CEP192: variants seen among roughly 807,000 people sequenced by gnomAD.
CEP192 encodes the protein centrosomal protein of 192 kDa.
A neutral mutation model predicts 271.8 loss-of-function variants in CEP192; 151 were observed. That is an observed-to-expected ratio of 0.56 (90% confidence interval 0.49 to 0.64). The LOEUF is 0.64. Ranked by LOEUF, CEP192 falls within the 30% of genes least tolerant of loss-of-function variation. CEP192 has a pLI of 0.00. For missense variants in CEP192, 2,910 were observed against 3,020.5 expected, an observed-to-expected ratio of 0.96 and a Z score of 0.86; for synonymous variants, 995 against 1,076.5, an observed-to-expected ratio of 0.92 and a Z score of 1.48.
At chr18:13,113,990 C>A in intron 41 of CEP192, 140 bp from the exon 42 acceptor site, 1 of 958,234 alleles carries the variant, frequency 1.0e-6, no homozygotes, top group Non-Finnish European at 1.5e-6. Context: ...GAGTACAGAG[C>A]TTGCAATTTA....
chr18:13,087,620 T>A lies in CEP192; in HGVS notation c.5967T>A (p.Asp1989Glu). Reference protein sequence around the residue: ...ELSTVYLFGGDEISRQQYRRA... With the variant: ...ELSTVYLFGGEEISRQQYRRA... The stretch of plus-strand genomic sequence containing the variant: ...CAACTGTATACTTATTTGGTGGAGA[T>A]GAAATTTCAAGACAGCAGTATCGCA... Residue 1989 changes from aspartate to glutamate, a missense_variant, in exon 32 of 45, where the codon GAT (aspartate) becomes GAA (glutamate). Asp to Glu is a conservative substitution (Grantham distance 45). Transcript: ENST00000506447. The A allele has an allele frequency of 1.3e-6, 2 of 1,569,632 alleles. No individual in the cohort carries two copies. The highest frequency in any genetic ancestry group is 1.7e-6 in the Non-Finnish European group (2 of 1,155,796).
At chr18:12,991,994 T>G (rs1451697953) in intron 1 of CEP192, among the ~76,000 whole-genome samples, 2 of 152,208 alleles carry the variant, frequency 1.3e-5, no homozygotes, top group Non-Finnish European at 2.9e-5. Flanking sequence ...TCCTAATAGT[T>G]TACCTACATT....
In CEP192 at chr18:13,068,935, G is replaced by T; in HGVS notation, c.4906G>T (p.Val1636Leu). ...AAACCCTACGCCCGTTCTTAGAAGTGTGAGTCTCCGAGCAAGAGCAGGAAT... is the reference window on the plus strand; with the variant it reads ...AAACCCTACGCCCGTTCTTAGAAGTTTGAGTCTCCGAGCAAGAGCAGGAAT... ...SPNPTPVLRS[V>L]SLRARAGIAR... Residue 1636 changes from valine (V) to leucine (L), a missense_variant, in exon 25 of 45, where the codon GTG becomes TTG. Physicochemically the swap from Val to Leu is conservative, Grantham distance 32 (BLOSUM62 1). Transcript: ENST00000506447. 1 of 1,614,198 alleles carries T rather than the reference G, an allele frequency of 6.2e-7. No individual in the cohort carries two copies. Among genetic ancestry groups the T allele is most frequent in the Non-Finnish European group, 8.5e-7 (1 of 1,180,038 alleles).
intron 17 of CEP192, 62 bp downstream of exon 17, chr18:13,049,953 A>AG (rs2036688491): frequency 7.2e-7 from 1 of 1,393,592 alleles, no homozygotes. Context: ...AACTGGGAAA[A>AG]AAATGTGTAA....
chr18:13,023,026 A>G (rs6650616), intron 9 of CEP192, among the ~76,000 whole-genome samples: 17,123 of 152,204 alleles, frequency 0.11, 1,130 homozygotes, highest in East Asian at 0.31. Flanking sequence ...CTTTTATATA[A>G]TAAACATGTA....
intron 3 of CEP192, among the ~76,000 whole-genome samples, chr18:13,003,965 C>A (rs908458132): frequency 3.3e-5 from 5 of 151,954 alleles, no homozygotes; most frequent in Non-Finnish European, 2.9e-5. Flanking sequence ...GAATCAACAG[C>A]GAGATTAAGA....
chr18:13,069,692 G>A (rs1353534621), intron 26 of CEP192, 46 bp from the exon 27 acceptor site: 3 of 1,165,122 alleles, frequency 2.6e-6, no homozygotes, highest in Non-Finnish European at 3.8e-6. Context: ...CGAAAACTGC[G>A]TTTTTGTAAG....
intron 44 of CEP192, among the ~76,000 whole-genome samples, chr18:13,122,250 C>T (rs1017151676): frequency 3.3e-5 from 5 of 152,170 alleles, no homozygotes; most frequent in East Asian, 1.9e-4. Context: ...GGTGAAACCC[C>T]GTCTCTACTA....
At chr18:12,992,753 G>A (rs959599643) in intron 1 of CEP192, among the ~76,000 whole-genome samples, 2 of 152,216 alleles carry the variant, frequency 1.3e-5, no homozygotes, top group African/African-American at 4.8e-5. Flanking sequence ...CCTTAGCAAA[G>A]CTCTGTTGAA....
At chr18:13,092,696 T>A (rs2039204464) in intron 34 of CEP192, among the ~76,000 whole-genome samples, 169 bp downstream of exon 34, 1 of 152,208 alleles carries the variant, frequency 6.6e-6, no homozygotes, top group Non-Finnish European at 1.5e-5. Context: ...TCAGGAAAGT[T>A]TAGAAATAGT....
At chr18:13,067,729 C>A (rs2144368244) in intron 21 of CEP192, 102 bp from the exon 22 acceptor site, 2 of 916,046 alleles carry the variant, frequency 2.2e-6, no homozygotes, top group Non-Finnish European at 3.3e-6. Context: ...TTACTTACTG[C>A]TGACTCATAA....
At chr18:13,045,780 A>C (rs1468354509) in intron 15 of CEP192, among the ~76,000 whole-genome samples, 3 of 152,228 alleles carry the variant, frequency 2.0e-5, no homozygotes, top group Non-Finnish European at 2.9e-5. Flanking sequence ...TAACAAATCA[A>C]ATCCTTTATT....
In CEP192 at chr18:13,103,547, G is replaced by C. The variant is rs754404441; in HGVS notation, c.6910G>C (p.Val2304Leu). 6 of 1,613,934 alleles carry C rather than the reference G, an allele frequency of 3.7e-6. No homozygotes were observed. Residue 2304 changes from valine (V) to leucine (L), a missense_variant, in exon 39 of 45, where the codon GTG (valine) becomes CTG (leucine). Physicochemically the swap from Val to Leu is conservative, Grantham distance 32. Transcript: ENST00000506447. ...ACTCGAGAATCATGGCACCACAGAC[G>C]TGAAATGGCATCTGTCATCTTTAGC... ...LELENHGTTD[V>L]KWHLSSLAPP...
intron 1 of CEP192, among the ~76,000 whole-genome samples, chr18:12,994,269 A>C (rs1233771059): frequency 6.6e-6 from 1 of 152,180 alleles, no homozygotes; most frequent in Non-Finnish European, 1.5e-5. Context: ...TAATAATAAG[A>C]GATAAACTTC....
At chr18:13,011,383 T>C (rs1408266638) in intron 4 of CEP192, among the ~76,000 whole-genome samples, 1 of 152,120 alleles carries the variant, frequency 6.6e-6, no homozygotes, top group East Asian at 1.9e-4. Context: ...AAATGTAAAG[T>C]GGCATAGCCA....
At chr18:13,057,510 C>T (rs1298478251) in intron 19 of CEP192, 75 bp from the exon 20 acceptor site, 8 of 1,520,634 alleles carry the variant, frequency 5.3e-6, no homozygotes, top group South Asian at 1.2e-5. Flanking sequence ...AAACTCATTG[C>T]CATTTAACAG....
intron 11 of CEP192, among the ~76,000 whole-genome samples, chr18:13,034,985 G>A (rs2143667885): frequency 6.6e-6 from 1 of 152,168 alleles, no homozygotes; most frequent in South Asian, 2.1e-4. Context: ...GTTTGGCCTC[G>A]GAAGCATTCA....
At chr18:12,995,812 A>G (rs1253332351) in intron 1 of CEP192, among the ~76,000 whole-genome samples, 3 of 152,238 alleles carry the variant, frequency 2.0e-5, no homozygotes, top group Non-Finnish European at 4.4e-5. Context: ...GTGAAGGTAC[A>G]AAATGTGTGA....
intron 1 of CEP192, among the ~76,000 whole-genome samples, chr18:12,996,907 A>G (rs1395971437): frequency 6.6e-6 from 1 of 151,734 alleles, no homozygotes; most frequent in African/African-American, 2.4e-5. Flanking sequence ...CGTTCAGGAG[A>G]GGATGGGAGT....
Sources: gnomAD v4.1 joint callset for allele counts (sites outside exome capture counted in the v4.1 genomes callset) on GRCh38, gnomAD v4.1.1 for gene constraint, MANE v1.5 for transcripts, NCBI Gene and HGNC (gene_info 2026-07-23, HGNC 2026-07-21) for gene names.